The following DYSF variants were observed in gnomAD, a reference collection of about 807,000 sequenced individuals.
DYSF encodes dystrophy-associated fer-1-like 1.
DYSF carries 212 observed loss-of-function variants against 274.9 expected under a neutral mutation model. The observed-to-expected ratio is 0.77, with a 90% CI of 0.69 to 0.86. The LOEUF (loss-of-function observed/expected upper bound fraction) is 0.86. Ranked by LOEUF, DYSF falls within the 40% of genes least tolerant of loss-of-function variation. The probability of loss-of-function intolerance (pLI) is 0.00; values close to 1 mark genes in which losing one functional copy is unlikely to be tolerated. For synonymous variants in DYSF, 1,091 were observed against 1,078.7 expected, an observed-to-expected ratio of 1.01 and a Z score of -0.22; for missense variants, 2,666 against 2,783.2, an observed-to-expected ratio of 0.96 and a Z score of 0.95.
rs749866053 is a variant in DYSF at position 71,551,130 on chromosome 2, C to A, written c.1666C>A (p.Pro556Thr). The A allele has an allele frequency of 5.6e-6, 9 of 1,614,008 alleles. No individual in the cohort carries two copies. The East Asian group carries it at 1.8e-4, about 32-fold the overall frequency. Residue 556 changes from proline to threonine, a missense_variant, in exon 18 of 56, where the codon CCC (proline) becomes ACC (threonine). Physicochemically the swap from Pro to Thr is conservative, Grantham distance 38 (BLOSUM62 -1). Transcript: ENST00000410020. ...SPREFTGFPD[P>T]YTELNTGKGE... Reference sequence around the variant, plus strand: ...CAGAGAGTTCACAGGCTTCCCAGACCCCTACACAGAGCTCAACACAGGCAA... The same window carrying A: ...CAGAGAGTTCACAGGCTTCCCAGACACCTACACAGAGCTCAACACAGGCAA...
chr2:71,467,198 A>G (rs985277357), intron 1 of DYSF, among the ~76,000 whole-genome samples: 16 of 152,188 alleles, frequency 1.1e-4, no homozygotes, highest in African/African-American at 3.9e-4. Flanking sequence ...TAAGACTGAC[A>G]CCCAGAGGAA....
chr2:71,490,690 C>G (rs1190497233), intron 3 of DYSF, among the ~76,000 whole-genome samples: 1 of 152,238 alleles, frequency 6.6e-6, no homozygotes, highest in Non-Finnish European at 1.5e-5. Flanking sequence ...CACATGCATA[C>G]TCATTTACTT....
intron 21 of DYSF, 61 bp from the exon 22 acceptor site, chr2:71,555,904 G>A (rs1460140585): frequency 1.5e-6 from 2 of 1,377,774 alleles, no homozygotes; most frequent in Non-Finnish European, 2.0e-6. Flanking sequence ...TGGGGGTTGG[G>A]TCCAGCATGC....
At chr2:71,586,124 A>G (rs2093058809) in intron 30 of DYSF, among the ~76,000 whole-genome samples, 1 of 152,032 alleles carries the variant, frequency 6.6e-6, no homozygotes, top group Admixed American at 6.5e-5. Flanking sequence ...CTCTGCTCCC[A>G]GGGTCTAATG....
At chr2:71,523,176 A>G (rs190255954) in intron 12 of DYSF, among the ~76,000 whole-genome samples, 10 of 152,340 alleles carry the variant, frequency 6.6e-5, no homozygotes. Context: ...AGCCTCCGTC[A>G]CATGGCCCAA....
At position 71,539,257 on chromosome 2, in the gene DYSF, T is replaced by C. The variant is rs768373625; in HGVS notation, c.1576+18T>C. ...AATAGAAGGTATGTTCCCTCTTCGTTCTGCCCTTTGACCCCCTGTGCTCTC... is the reference window on the plus strand; with the variant it reads ...AATAGAAGGTATGTTCCCTCTTCGTCCTGCCCTTTGACCCCCTGTGCTCTC... On this transcript the variant is annotated intron_variant, in intron 17 of 55. Transcript: ENST00000410020. 1.3e-5 allele frequency: 21 copies of C among 1,610,538 alleles called. No individual in the cohort carries two copies. The South Asian group carries it at 2.1e-4, about 16-fold the overall frequency.
Position 71,612,769 on chromosome 2 carries a change from C to G in DYSF, c.4350C>G (p.Pro1450=), listed in dbSNP as rs897596810. The G allele has an allele frequency of 1.9e-6, 3 of 1,613,960 alleles. No homozygotes were observed. Among genetic ancestry groups the G allele is most frequent in the African/African-American group, 2.7e-5 (2 of 74,942 alleles). The change falls in exon 39 of 56, where the codon CCC becomes CCG. Residue 1450 remains proline, a synonymous_variant. Transcript: ENST00000410020. ...CCCTGGAGAGCTTCCTGTGTGACCC[C>G]TACTCGGCGGAGAGTCCATCCCCAC... ...IRSLESFLCD[P]YSAESPSPQG...
In DYSF at chr2:71,660,631, G is replaced by A. The variant is rs142301132; in HGVS notation, c.4983G>A (p.Thr1661=). 8.7e-6 allele frequency: 14 copies of A among 1,613,936 alleles called. No homozygotes were observed. The highest frequency in any genetic ancestry group is 2.2e-5 in the South Asian group (2 of 91,088). ...VSDQDNYIPC[T]LEPVFGKMFE... is the part of the protein sequence containing the mutation. The stretch of plus-strand genomic sequence containing the variant: ...ACCAGGATAACTACATCCCCTGCAC[G>A]CTGGAGCCCGTATTTGGAAAGTAAA... Residue 1661 remains threonine (T), a synonymous_variant, in exon 45 of 56, where the codon ACG becomes ACA. Transcript: ENST00000410020.
intron 30 of DYSF, among the ~76,000 whole-genome samples, chr2:71,575,547 C>G (rs1400872526): frequency 6.6e-6 from 1 of 152,044 alleles, no homozygotes; most frequent in Non-Finnish European, 1.5e-5. Context: ...GGGGAGCCTT[C>G]TGGGGTGGGG....
intron 8 of DYSF, 55 bp from the exon 9 acceptor site, chr2:71,516,125 C>T: frequency 1.3e-6 from 2 of 1,566,238 alleles, no homozygotes; most frequent in East Asian, 4.5e-5. Context: ...CTCCCTCTCC[C>T]TGGCCTGAGG....
In DYSF at chr2:71,674,367, C is replaced by T. The variant is rs72904668; in HGVS notation, c.5884+71C>T. 2.1e-3 allele frequency: 3,106 copies of T among 1,453,904 alleles called. 60 individuals carry two copies. The African/African-American group carries it at 0.037, about 17-fold the overall frequency. The allele number at this position is 1,453,904 out of a possible 1,614,324, so 90.1% of individuals were successfully genotyped here. A position where few individuals can be genotyped will look rare whatever the true frequency, so the allele number is the denominator to read the frequency against. The stretch of plus-strand genomic sequence containing the variant: ...CAGAACCCACACTGTGTGTTTATGC[C>T]ACTGTTGGACCCTTGGGGAAGCCTA... On this transcript the variant is annotated intron_variant, in intron 52 of 55. Transcript: ENST00000410020.
chr2:71,498,785 C>A (rs2084677172), intron 3 of DYSF, among the ~76,000 whole-genome samples: 1 of 152,168 alleles, frequency 6.6e-6, no homozygotes, highest in Non-Finnish European at 1.5e-5. Context: ...AGATTAAAGG[C>A]AAGATGGAGT....
Position 71,682,381 on chromosome 2 carries a change from G to A in DYSF, c.6174-149G>A, listed in dbSNP as rs531399376. 231 of 943,106 alleles carry A rather than the reference G, an allele frequency of 2.4e-4. 2 individuals are homozygous for A. In the East Asian group the frequency reaches 5.6e-3, roughly 23 times the overall value. The allele number at this position is 943,106 out of a possible 1,614,324, so 58.4% of individuals were successfully genotyped here. ...GCTTGGGGGAGAGGGAATGCAAGGT[G>A]CAAAGGGCTAGTTTAGGGACAGGGC... On this transcript the variant is annotated intron_variant, in intron 54 of 55. Coordinates refer to ENST00000410020, the MANE Select transcript of DYSF (RefSeq NM_001130987.2).
chr2:71,624,166 A>G (rs561501808), intron 41 of DYSF, among the ~76,000 whole-genome samples: 1 of 152,320 alleles, frequency 6.6e-6, no homozygotes, highest in African/African-American at 2.4e-5. Flanking sequence ...TTTTAAATAT[A>G]TACTTTGTTT....
intron 30 of DYSF, among the ~76,000 whole-genome samples, chr2:71,585,538 AG>A (rs1446189074): frequency 1.3e-5 from 2 of 152,178 alleles, no homozygotes; most frequent in Non-Finnish European, 2.9e-5. Context: ...AAATTCCCCA[AG>A]CTTGAGCCAC....
chr2:71,532,208 T>A (rs1441778527), intron 14 of DYSF, among the ~76,000 whole-genome samples: 1 of 152,212 alleles, frequency 6.6e-6, no homozygotes, highest in Non-Finnish European at 1.5e-5. Flanking sequence ...ATAATTCAAA[T>A]TTTCCTCTTT....
intron 40 of DYSF, among the ~76,000 whole-genome samples, chr2:71,619,073 C>G (rs1203532538): frequency 1.3e-5 from 2 of 152,050 alleles, no homozygotes. Context: ...TGGACCAGAT[C>G]TTTGGAGCAC....
intron 41 of DYSF, among the ~76,000 whole-genome samples, chr2:71,624,300 C>G (rs115559582): frequency 0.012 from 1,814 of 152,316 alleles, 29 homozygotes; most frequent in African/African-American, 0.041. Context: ...GGACAGACAG[C>G]ATTTGTTAAT....
At chr2:71,601,603 G>A (rs1359911041) in intron 35 of DYSF, 75 bp downstream of exon 35, 14 of 1,599,422 alleles carry the variant, frequency 8.8e-6, no homozygotes, top group Non-Finnish European at 1.0e-5. Context: ...TCTGGGTTAG[G>A]AAGGGTGGCC....
Sources: gnomAD v4.1 joint callset for allele counts (sites outside exome capture counted in the v4.1 genomes callset) on GRCh38, gnomAD v4.1.1 for gene constraint, MANE v1.5 for transcripts, NCBI Gene and HGNC (gene_info 2026-07-23, HGNC 2026-07-21) for gene names.